Variants in SYNE2 observed in about 807,000 individuals in gnomAD.
SYNE2 encodes spectrin repeat containing nuclear envelope protein 2.
In SYNE2, 431 loss-of-function variants were observed where a neutral mutation model predicts 856.3. That is an observed-to-expected ratio of 0.50 (90% CI 0.47 to 0.55). The LOEUF is 0.55. Ranked by LOEUF, SYNE2 falls within the 20% of genes least tolerant of loss-of-function variation. The probability of loss-of-function intolerance (pLI) is 0.00; values close to 1 mark genes in which losing one functional copy is unlikely to be tolerated. For synonymous variants in SYNE2, 2,923 were observed against 2,872.3 expected, an observed-to-expected ratio of 1.02 and a Z score of -0.56; for missense variants, 8,129 against 8,023.2, an observed-to-expected ratio of 1.01 and a Z score of -0.50.
rs1293222118 is a variant in SYNE2 at position 63,941,772 on chromosome 14, A to G, written c.219A>G (p.Val73=). 6.2e-7 allele frequency: 1 copy of G among 1,614,116 alleles called. No homozygotes were observed. The highest frequency in any genetic ancestry group is 2.2e-5 in the East Asian group (1 of 44,864). The change falls in exon 4 of 116, where the codon GTA becomes GTG. Residue 73 remains valine, a synonymous_variant. Transcript: ENST00000555002. Reference sequence around the variant, plus strand: ...ATGTCCTCCTGGATCTGCTAGAAGTACTTTCTGGGCAACAGTTGGTAAGAT... The same window carrying G: ...ATGTCCTCCTGGATCTGCTAGAAGTGCTTTCTGGGCAACAGTTGGTAAGAT... The part of the protein sequence containing the change: ...KGHVLLDLLE[V]LSGQQLPRDK...
intron 78 of SYNE2, among the ~76,000 whole-genome samples, chr14:64,135,885 G>T (rs554431894): frequency 9.2e-5 from 14 of 152,306 alleles, no homozygotes; most frequent in Admixed American, 9.2e-4. Flanking sequence ...GCCGTCGTCT[G>T]TGGGGCATGG....
At chr14:64,188,964 C>A in intron 98 of SYNE2, 1 of 702,774 alleles carries the variant, frequency 1.4e-6, no homozygotes, top group Non-Finnish European at 2.6e-6. Flanking sequence ...GAAAGTTTCA[C>A]CAGGGAAGGG....
chr14:64,202,920 T>C lies in SYNE2; in HGVS notation c.18158T>C (p.Val6053Ala), dbSNP rs1279710897. The change falls in exon 100 of 116, where the codon GTC becomes GCC. Residue 6053 changes from valine to alanine, a missense_variant. Coordinates refer to ENST00000555002, the MANE Select transcript of SYNE2 (RefSeq NM_182914.3). ...SELSKPVVYD[V>A]CDDQEIQKRL... is the part of the protein sequence containing the mutation. Reference sequence around the variant, plus strand: ...CTTTCCAAGCCTGTTGTTTATGATGTCTGCGATGATCAAGAGATCCAGAAG... The same window carrying C: ...CTTTCCAAGCCTGTTGTTTATGATGCCTGCGATGATCAAGAGATCCAGAAG... The C allele has an allele frequency of 1.2e-6, 2 of 1,614,252 alleles. No individual in the cohort carries two copies. Among genetic ancestry groups the C allele is most frequent in the Non-Finnish European group, 1.7e-6 (2 of 1,180,046 alleles).
intron 107 of SYNE2, chr14:64,215,636 C>T (rs2098662837): frequency 1.1e-5 from 6 of 543,848 alleles, no homozygotes; most frequent in South Asian, 8.9e-5. Flanking sequence ...TTTTTTTCTC[C>T]ATCTAACTGA....
chr14:64,189,745 C>T (rs990323867), intron 98 of SYNE2, among the ~76,000 whole-genome samples: 2 of 152,180 alleles, frequency 1.3e-5, no homozygotes, highest in African/African-American at 4.8e-5. Context: ...GATCATAGCT[C>T]ACTGCAGCCT....
chr14:64,204,690 TA>T lies in SYNE2; in HGVS notation c.18201+1739del, dbSNP rs879679342. ...GTGACATTTCTATCCCTTGGTTACTTAAAAAAAAAAAATTAATGGAATTGGT... is the reference window on the plus strand; with the variant it reads ...GTGACATTTCTATCCCTTGGTTACTTAAAAAAAAAAATTAATGGAATTGGT... On this transcript the variant is annotated intron_variant, in intron 100 of 115. Coordinates refer to ENST00000555002, the MANE Select transcript of SYNE2 (RefSeq NM_182914.3). Among the ~76,000 whole-genome samples, 400 of 147,370 alleles carry T rather than the reference TA, an allele frequency of 2.7e-3. 1 individual carries two copies. Among genetic ancestry groups the T allele is most frequent in the African/African-American group, 8.7e-3 (353 of 40,466 alleles).
At chr14:63,900,085 C>T (rs969593936) in intron 1 of SYNE2, among the ~76,000 whole-genome samples, 3 of 152,292 alleles carry the variant, frequency 2.0e-5, no homozygotes, top group Middle Eastern at 3.4e-3. Context: ...TCAGGGCCAG[C>T]GGAAGGCTCT....
intron 107 of SYNE2, chr14:64,215,959 C>CT: frequency 7.4e-7 from 1 of 1,355,826 alleles, no homozygotes; most frequent in Non-Finnish European, 9.6e-7. Context: ...CAGACCCGGC[C>CT]TTGCCACTCA....
chr14:64,158,792 T>G lies in SYNE2; in HGVS notation c.15960T>G (p.Leu5320=). The G allele has an allele frequency of 1.2e-6, 2 of 1,613,776 alleles. No homozygotes were observed. ...CCTTGAGATGCCAGGTGGAGAACCTTCAGGTAAATTAACCAGAGCTTGGCA... is the reference window on the plus strand; with the variant it reads ...CCTTGAGATGCCAGGTGGAGAACCTGCAGGTAAATTAACCAGAGCTTGGCA... ...LETLRCQVEN[L]QSLQDEAESS... is the part of the protein sequence containing the mutation. The change falls in exon 86 of 116, where the codon CTT becomes CTG. Residue 5320 remains leucine (L), a synonymous_variant. Coordinates refer to ENST00000555002, the MANE Select transcript of SYNE2 (RefSeq NM_182914.3).
At chr14:63,871,419 G>A (rs551577599) in intron 1 of SYNE2, among the ~76,000 whole-genome samples, 1 of 152,002 alleles carries the variant, frequency 6.6e-6, no homozygotes, top group South Asian at 2.1e-4. Context: ...TGTTGGTCAG[G>A]CTGGTCTCGA....
In SYNE2 at chr14:64,226,041, C is replaced by A. The variant is rs1487053379; in HGVS notation, c.*515C>A. 4.8e-6 allele frequency: 1 copy of A among 208,806 alleles called. No individual in the cohort carries two copies. Among genetic ancestry groups the A allele is most frequent in the African/African-American group, 2.3e-5 (1 of 43,870 alleles). 12.9% of individuals were successfully genotyped at this position (208,806 alleles called of 1,614,324 possible). On this transcript the variant is annotated 3_prime_UTR_variant, in exon 116 of 116. Transcript: ENST00000555002. ...TGGCAATTTTGAGCTGCCGGTTATACACCAAAATGTTCTGTTCAGTACCTA... is the reference window on the plus strand; with the variant it reads ...TGGCAATTTTGAGCTGCCGGTTATAAACCAAAATGTTCTGTTCAGTACCTA...
chr14:64,094,328 C>T (rs531759522), intron 61 of SYNE2, among the ~76,000 whole-genome samples: 5 of 150,014 alleles, frequency 3.3e-5, no homozygotes, highest in African/African-American at 4.9e-5. Context: ...AGTGAGACTC[C>T]GTCTCAAAAA....
At chr14:63,894,912 C>A (rs1485582990) in intron 1 of SYNE2, among the ~76,000 whole-genome samples, 1 of 152,052 alleles carries the variant, frequency 6.6e-6, no homozygotes, top group East Asian at 1.9e-4. Context: ...AGTGATGGGA[C>A]ATAAATCTGG....
In SYNE2 at chr14:64,170,246, A is replaced by T; in HGVS notation, c.17019A>T (p.Glu5673Asp). 1 of 1,613,954 alleles carries T rather than the reference A, an allele frequency of 6.2e-7. No individual in the cohort carries two copies. The highest frequency in any genetic ancestry group is 8.5e-7 in the Non-Finnish European group (1 of 1,180,038). Residue 5673 changes from glutamate to aspartate, a missense_variant, in exon 94 of 116, where the codon GAA becomes GAT. Glu to Asp is a conservative substitution (Grantham distance 45). Around this residue, in one of 3 missense-constraint regions of SYNE2, gnomAD observed 5,410 missense variants for 5,284.8 expected, o/e 1.02. Transcript: ENST00000555002. ...TCCCCAGACCAGAATTTATTACAGA[A>T]TTCTCAAAGCTGACGGATCGGTGGC... ...EIENRPEFIT[E>D]FSKLTDRWQN...
chr14:63,843,097 C>T (rs548387047), intron 1 of SYNE2, among the ~76,000 whole-genome samples: 7 of 151,872 alleles, frequency 4.6e-5, no homozygotes, highest in Admixed American at 2.6e-4. Flanking sequence ...GGAGTGCAGA[C>T]GAGATCACAG....
intron 21 of SYNE2, 99 bp downstream of exon 21, chr14:63,991,214 T>C: frequency 8.4e-7 from 1 of 1,191,818 alleles, no homozygotes; most frequent in Non-Finnish European, 1.2e-6. Context: ...TATACTGAGT[T>C]ACTGTAACTT....
At chr14:63,849,359 C>A (rs1173274513), upstream of SYNE2, among the ~76,000 whole-genome samples, 1 of 150,574 alleles carries the variant, frequency 6.6e-6, no homozygotes, top group Non-Finnish European at 1.5e-5. Flanking sequence ...AATATTATAC[C>A]TGCTTCTTCA....
intron 51 of SYNE2, among the ~76,000 whole-genome samples, chr14:64,068,992 T>C: frequency 6.6e-6 from 1 of 152,038 alleles, no homozygotes; most frequent in East Asian, 1.9e-4. Context: ...TTTTGGAAAG[T>C]GATCCCAGGG....
In SYNE2 at chr14:64,025,177, A is replaced by C; in HGVS notation, c.6008A>C (p.Tyr2003Ser). 1.2e-6 allele frequency: 2 copies of C among 1,614,146 alleles called. No homozygotes were observed. Among genetic ancestry groups the C allele is most frequent in the South Asian group, 2.2e-5 (2 of 91,088 alleles). Residue 2003 changes from tyrosine to serine, a missense_variant, in exon 41 of 116, where the codon TAT becomes TCT. This residue lies in a region of SYNE2 where 2,422 missense variants were observed against 2,357.4 expected (regional missense o/e 1.03). Transcript: ENST00000555002. ...VAQLNNSLKEYGFTEEEEIIM... is the reference protein window; with the variant it reads ...VAQLNNSLKESGFTEEEEIIM... ...CAATTGAACAACTCTTTGAAGGAAT[A>C]TGGGTTTACTGAAGAAGAAGAAATA... is the stretch of plus-strand genomic sequence containing the variant.
Sources: gnomAD v4.1 joint callset for allele counts (sites outside exome capture counted in the v4.1 genomes callset) on GRCh38, gnomAD v4.1.1 for gene constraint, gnomAD v4.1.1 regional missense constraint, MANE v1.5 for transcripts, NCBI Gene and HGNC (gene_info 2026-07-23, HGNC 2026-07-21) for gene names.